Variants in ZNF385D observed in about 807,000 individuals in gnomAD.
The protein encoded by ZNF385D is zinc finger protein 659.
In ZNF385D, 15 loss-of-function variants were observed where a neutral mutation model predicts 35.8. The ratio of observed to expected loss-of-function variants is 0.42; its 90% CI spans 0.28 to 0.64. The LOEUF (loss-of-function observed/expected upper bound fraction) is 0.64, where lower values mean the gene tolerates loss of function less well. Ranked by LOEUF, ZNF385D falls within the 30% of genes least tolerant of loss-of-function variation. The pLI, the probability that ZNF385D is intolerant of heterozygous loss-of-function variation, is 0.23. For missense variants in ZNF385D, 474 were observed against 494.6 expected (o/e 0.96, Z 0.39); for synonymous variants, 212 against 186.8 (o/e 1.13, Z -1.10).
Position 21,414,763 on chromosome 3 carries a change from T to C in ZNF385D, c.*6451A>G, listed in dbSNP as rs1700539515. 6.6e-6 allele frequency: 1 copy of C among 152,090 alleles called. No homozygotes were observed. The highest frequency in any genetic ancestry group is 1.5e-5 in the Non-Finnish European group (1 of 67,994). 9.4% of individuals were successfully genotyped at this position (152,090 alleles called of 1,614,324 possible). ...TGCCCAGATCCCTTGGCCACAAGGC[T>C]TTTTCGCCAATATCCAGTACTTCCA... On this transcript the variant is annotated 3_prime_UTR_variant, in exon 8 of 8. Coordinates refer to ENST00000281523, the MANE Select transcript of ZNF385D (RefSeq NM_024697.3).
intron 4 of ZNF385D, chr3:21,441,685 C>T (rs1169184105): frequency 2.0e-6 from 2 of 985,188 alleles, no homozygotes; most frequent in Admixed American, 6.2e-5. Context: ...TCTCAACTAA[C>T]CTCTTGTGCA....
intron 3 of ZNF385D, among the ~76,000 whole-genome samples, chr3:21,913,439 A>G (rs187026622): frequency 3.2e-4 from 49 of 152,228 alleles, no homozygotes; most frequent in South Asian, 4.1e-4. Context: ...TGAGTTTTGT[A>G]TTACAAATTC....
intron 3 of ZNF385D, among the ~76,000 whole-genome samples, chr3:21,777,433 A>G (rs2071331889): frequency 6.6e-6 from 1 of 151,978 alleles, no homozygotes; most frequent in East Asian, 1.9e-4. Context: ...TTCATGGGTT[A>G]TCTCAGCACC....
rs78285164 is a variant in ZNF385D at position 22,323,379 on chromosome 3, G to A, written c.106+49071C>T. On this transcript the variant is annotated intron_variant, in intron 2 of 5. Coordinates refer to the ZNF385D transcript ENST00000494108. Reference sequence around the variant, plus strand: ...CCACAAAGTTCATGATAGTAAGTAAGTAGATGAGACTGGGAATGGAGCAGA... The same window carrying A: ...CCACAAAGTTCATGATAGTAAGTAAATAGATGAGACTGGGAATGGAGCAGA... 3.1e-3 allele frequency among the ~76,000 whole-genome samples: 466 copies of A among 152,226 alleles called. 3 individuals carry two copies. Among genetic ancestry groups the A allele is most frequent in the African/African-American group, 0.011 (443 of 41,540 alleles).
intron 2 of ZNF385D, among the ~76,000 whole-genome samples, chr3:22,247,358 T>C (rs1699840242): frequency 1.3e-5 from 2 of 152,086 alleles, no homozygotes; most frequent in Non-Finnish European, 2.9e-5. Flanking sequence ...CATGTAAATA[T>C]AACAAATTTT....
At chr3:22,104,064 A>T (rs1298289797) in intron 3 of ZNF385D, among the ~76,000 whole-genome samples, 1 of 152,140 alleles carries the variant, frequency 6.6e-6, no homozygotes, top group Non-Finnish European at 1.5e-5. Context: ...TTGGGGAGTG[A>T]GGGACGTATG....
At chr3:21,559,223 T>C (rs547618544) in intron 3 of ZNF385D, among the ~76,000 whole-genome samples, 1 of 152,264 alleles carries the variant, frequency 6.6e-6, no homozygotes, top group Non-Finnish European at 1.5e-5. Context: ...TGCTAGTTGG[T>C]TATTTTGTCT....
chr3:22,257,068 A>G (rs1273411346), intron 2 of ZNF385D, among the ~76,000 whole-genome samples: 1 of 151,850 alleles, frequency 6.6e-6, no homozygotes, highest in Non-Finnish European at 1.5e-5. Context: ...AATTTCTGGT[A>G]TGCTTCAAGA....
rs1703451870 is a variant in ZNF385D at position 21,465,444 on chromosome 3, C to T, written c.440-28241G>A. Among the ~76,000 whole-genome samples, 1 of 152,170 alleles carries T rather than the reference C, an allele frequency of 6.6e-6. No individual in the cohort carries two copies. The highest frequency in any genetic ancestry group is 2.1e-4 in the South Asian group (1 of 4,832). ...GTTTCTTCTGCTCTTCCCAAGAGGG[C>T]CACAGCCTCTCATCACCTGGCCAGA... On this transcript the variant is annotated intron_variant, in intron 4 of 7. Coordinates refer to ENST00000281523, the MANE Select transcript of ZNF385D (RefSeq NM_024697.3). The surrounding 1 kb of genome is among the most constrained non-coding windows in gnomAD (Gnocchi z 4.2).
intron 3 of ZNF385D, among the ~76,000 whole-genome samples, chr3:21,805,452 A>C (rs1429732063): frequency 2.6e-5 from 4 of 152,228 alleles, no homozygotes; most frequent in African/African-American, 9.6e-5. Flanking sequence ...TATAAAACAA[A>C]TGCATAAGTG....
At chr3:21,456,305 T>C (rs1702805666) in intron 4 of ZNF385D, among the ~76,000 whole-genome samples, 2 of 152,214 alleles carry the variant, frequency 1.3e-5, no homozygotes, top group South Asian at 2.1e-4. Context: ...ATTGTGGCAC[T>C]ATTCACAATA....
chr3:22,217,896 A>G (rs762141190), intron 2 of ZNF385D, among the ~76,000 whole-genome samples: 16 of 152,276 alleles, frequency 1.1e-4, no homozygotes, highest in African/African-American at 3.6e-4. Context: ...AAGGGAATGT[A>G]TTCTCTTGGA....
chr3:21,602,580 C>T (rs1327337630), intron 2 of ZNF385D, among the ~76,000 whole-genome samples: 3 of 127,794 alleles, frequency 2.3e-5, no homozygotes, highest in African/African-American at 9.4e-5. Context: ...GGCCGGACTG[C>T]GGACTGCAGT....
At chr3:21,435,506 T>G (rs1380318617) in intron 5 of ZNF385D, among the ~76,000 whole-genome samples, 2 of 152,014 alleles carry the variant, frequency 1.3e-5, no homozygotes, top group East Asian at 3.9e-4. Context: ...TCTCAAATGA[T>G]TCTCCTACCC....
At chr3:22,094,394 A>ATATATATATATATATATATATATATATC (rs1701498153) in intron 3 of ZNF385D, among the ~76,000 whole-genome samples, 1 of 79,680 alleles carries the variant, frequency 1.3e-5, no homozygotes, top group Non-Finnish European at 3.0e-5. Flanking sequence ...TGATATATAT[A>ATATATATATATATATATATATATATATC]TATATATATA....
chr3:21,939,320 A>C (rs558956028), intron 3 of ZNF385D, among the ~76,000 whole-genome samples: 1 of 152,256 alleles, frequency 6.6e-6, no homozygotes, highest in South Asian at 2.1e-4. Flanking sequence ...AGTACGTATT[A>C]TTTTCTTCAT....
chr3:21,495,172 CCT>C (rs775167884), intron 4 of ZNF385D, among the ~76,000 whole-genome samples: 4 of 151,598 alleles, frequency 2.6e-5, no homozygotes, highest in Non-Finnish European at 4.4e-5. Flanking sequence ...AAATAAATAA[CCT>C]CGAGTTCCAT....
intron 2 of ZNF385D, among the ~76,000 whole-genome samples, chr3:22,301,855 A>G (rs1356653044): frequency 6.6e-6 from 1 of 152,134 alleles, no homozygotes; most frequent in Non-Finnish European, 1.5e-5. Context: ...TTATGTAGAC[A>G]GTATCATACT....
intron 3 of ZNF385D, among the ~76,000 whole-genome samples, chr3:21,952,838 T>A (rs1702124122): frequency 1.3e-5 from 2 of 152,012 alleles, no homozygotes; most frequent in Admixed American, 6.6e-5. Context: ...GCCTTTTATA[T>A]CATACATAAA....
Sources: gnomAD v4.1 joint callset for allele counts (sites outside exome capture counted in the v4.1 genomes callset) on GRCh38, gnomAD v4.1.1 for gene constraint, Gnocchi (gnomAD v3.1) non-coding constraint, MANE v1.5 for transcripts, NCBI Gene and HGNC (gene_info 2026-07-23, HGNC 2026-07-21) for gene names.